Variants in DDX10 observed in about 807,000 individuals in gnomAD.
DDX10 encodes the protein probable ATP-dependent RNA helicase DDX10.
DDX10 carries 74 observed loss-of-function variants against 104.3 expected under a neutral mutation model. The ratio of observed to expected loss-of-function variants is 0.71; its 90% CI spans 0.59 to 0.86. The LOEUF (loss-of-function observed/expected upper bound fraction) is 0.86. Ranked by LOEUF, DDX10 falls within the 40% of genes least tolerant of loss-of-function variation. The probability of loss-of-function intolerance (pLI) is 0.00; values close to 1 mark genes in which losing one functional copy is unlikely to be tolerated. For missense variants in DDX10, 952 were observed against 1,040.0 expected (o/e 0.92, Z 1.16); for synonymous variants, 351 against 353.4 (o/e 0.99, Z 0.08).
At position 108,940,517 on chromosome 11, in the gene DDX10, A is replaced by T. The variant is rs1257275231; in HGVS notation, c.*94A>T. ...GTTGATTTGGGGGCACTTAGGTACC[A>T]TATGCCCCATTCCCAAAGGGCACAT... On this transcript the variant is annotated 3_prime_UTR_variant, in exon 18 of 18. Coordinates refer to ENST00000322536, the MANE Select transcript of DDX10 (RefSeq NM_004398.4). The T allele has an allele frequency of 1.0e-5, 13 of 1,272,988 alleles. No homozygotes were observed. The highest frequency in any genetic ancestry group is 1.5e-5 in the African/African-American group (1 of 67,162). The allele number at this position is 1,272,988 out of a possible 1,614,324, so 78.9% of individuals were successfully genotyped here. A position where few individuals can be genotyped will look rare whatever the true frequency, so the allele number is the denominator to read the frequency against.
intron 13 of DDX10, among the ~76,000 whole-genome samples, chr11:108,745,278 C>T (rs11530525): frequency 0.49 from 70,470 of 144,000 alleles, 19,490 homozygotes; most frequent in Non-Finnish European, 0.61. Flanking sequence ...CCTTTCCTTC[C>T]GTCTTACTCT....
intron 16 of DDX10, among the ~76,000 whole-genome samples, chr11:108,871,305 A>G (rs959443746): frequency 6.6e-6 from 1 of 152,224 alleles, no homozygotes; most frequent in East Asian, 1.9e-4. Flanking sequence ...AAACCCAGGT[A>G]TGATCACTTT....
intron 16 of DDX10, among the ~76,000 whole-genome samples, chr11:108,871,843 G>A (rs1863086613): frequency 6.6e-6 from 1 of 151,994 alleles, no homozygotes; most frequent in Non-Finnish European, 1.5e-5. Flanking sequence ...CAGGAGAATC[G>A]CTTGAACCGT....
intron 16 of DDX10, among the ~76,000 whole-genome samples, chr11:108,855,049 A>G (rs146038248): frequency 6.6e-6 from 1 of 152,204 alleles, no homozygotes; most frequent in Non-Finnish European, 1.5e-5. Flanking sequence ...CTGGGTACCT[A>G]ATAGTGGTTT....
chr11:108,862,606 A>G (rs1862955717), intron 16 of DDX10, among the ~76,000 whole-genome samples: 1 of 152,226 alleles, frequency 6.6e-6, no homozygotes, highest in Non-Finnish European at 1.5e-5. Context: ...TTTCCTCTAA[A>G]TGAGAAAATG....
intron 13 of DDX10, among the ~76,000 whole-genome samples, chr11:108,810,346 T>C (rs916424071): frequency 1.2e-4 from 19 of 152,126 alleles, no homozygotes; most frequent in African/African-American, 4.6e-4. Context: ...TTCGAACCTA[T>C]TGGGTTTTTT....
chr11:108,817,692 G>A (rs17108597), intron 13 of DDX10, among the ~76,000 whole-genome samples: 2,359 of 152,208 alleles, frequency 0.015, 59 homozygotes, highest in African/African-American at 0.054. Flanking sequence ...TTTGTAGTTC[G>A]TATTTTATCC....
chr11:108,935,122 A>G (rs994563908), intron 17 of DDX10, among the ~76,000 whole-genome samples: 1 of 152,232 alleles, frequency 6.6e-6, no homozygotes, highest in Non-Finnish European at 1.5e-5. Flanking sequence ...CCAGACCTCA[A>G]AAAGCTAACC....
At chr11:108,747,264 C>T (rs1262861452) in intron 13 of DDX10, among the ~76,000 whole-genome samples, 1 of 152,026 alleles carries the variant, frequency 6.6e-6, no homozygotes, top group East Asian at 1.9e-4. Flanking sequence ...CTAGTTTGGT[C>T]AATATGTAAA....
intron 9 of DDX10, among the ~76,000 whole-genome samples, chr11:108,694,788 G>T (rs901187942): frequency 6.6e-6 from 1 of 152,194 alleles, no homozygotes; most frequent in Non-Finnish European, 1.5e-5. Flanking sequence ...GGCTGAGGCA[G>T]GAGAATCACG....
intron 1 of DDX10, among the ~76,000 whole-genome samples, chr11:108,665,635 A>G (rs989578749): frequency 6.6e-6 from 1 of 152,188 alleles, no homozygotes; most frequent in African/African-American, 2.4e-5. Flanking sequence ...AGTGGTAATA[A>G]TGACACCTAC....
chr11:108,868,710 C>G (rs1863039763), intron 16 of DDX10, among the ~76,000 whole-genome samples: 1 of 152,090 alleles, frequency 6.6e-6, no homozygotes. Context: ...CCAATGTTCT[C>G]TGATATGGGC....
At chr11:108,869,154 G>T (rs10890901) in intron 16 of DDX10, among the ~76,000 whole-genome samples, 69,637 of 151,218 alleles carry the variant, frequency 0.46, 19,185 homozygotes, top group Non-Finnish European at 0.61. Flanking sequence ...TAAAAGCCAT[G>T]CACACAATTC....
intron 16 of DDX10, among the ~76,000 whole-genome samples, chr11:108,852,979 C>T (rs1044808752): frequency 4.9e-4 from 74 of 152,058 alleles, no homozygotes; most frequent in African/African-American, 1.6e-3. Context: ...TAATATTCTT[C>T]GTCATTTTTT....
At chr11:108,726,130 T>C (rs1212865125) in intron 13 of DDX10, among the ~76,000 whole-genome samples, 1 of 152,034 alleles carries the variant, frequency 6.6e-6, no homozygotes, top group Non-Finnish European at 1.5e-5. Flanking sequence ...CAATCTTGAT[T>C]AGTGTAGCTT....
At chr11:108,823,410 A>G (rs1301134603) in intron 13 of DDX10, among the ~76,000 whole-genome samples, 4 of 152,184 alleles carry the variant, frequency 2.6e-5, no homozygotes, top group African/African-American at 9.7e-5. Flanking sequence ...ATGTATTGGG[A>G]TTTAATAATG....
chr11:108,931,706 C>T (rs1863977745), intron 17 of DDX10, among the ~76,000 whole-genome samples: 1 of 152,074 alleles, frequency 6.6e-6, no homozygotes, highest in African/African-American at 2.4e-5. Context: ...ATCCAGGCAC[C>T]ATGAACTAGA....
intron 13 of DDX10, among the ~76,000 whole-genome samples, chr11:108,821,934 A>C (rs375720305): frequency 6.6e-6 from 1 of 152,188 alleles, no homozygotes; most frequent in East Asian, 1.9e-4. Context: ...AACACGGATG[A>C]ATCTTGCTTG....
chr11:108,852,089 A>C, intron 15 of DDX10, 64 bp from the exon 16 acceptor site: 1 of 1,257,720 alleles, frequency 8.0e-7, no homozygotes, highest in Non-Finnish European at 1.1e-6. Context: ...AACTGTAATG[A>C]ATGTGTAGTC....
Sources: allele counts gnomAD v4.1 joint callset (sites outside exome capture counted in the v4.1 genomes callset), GRCh38; gene constraint gnomAD v4.1.1; transcripts MANE v1.5; gene names NCBI Gene and HGNC (gene_info 2026-07-23, HGNC 2026-07-21).